Variants in ZFAND1 observed in about 807,000 individuals in gnomAD.
The protein encoded by ZFAND1 is AN1-type zinc finger protein 1.
In ZFAND1, 40 loss-of-function variants were observed where a neutral mutation model predicts 38.5. The ratio of observed to expected loss-of-function variants is 1.04; its 90% CI spans 0.81 to 1.35. The LOEUF is 1.35. ZFAND1 is among the 40% of genes most tolerant of loss of function. ZFAND1 has a pLI of 0.00. For missense variants in ZFAND1, 346 were observed against 316.3 expected (o/e 1.09, Z -0.71); for synonymous variants, 117 against 103.6 (o/e 1.13, Z -0.78).
At chr8:81,708,663 G>T in intron 6 of ZFAND1, 1 of 670,586 alleles carries the variant, frequency 1.5e-6, no homozygotes, top group Non-Finnish European at 1.9e-6. Context: ...TCTTTTTATA[G>T]CCACCAGACT....
Position 81,715,013 on chromosome 8 carries a change from A to AG in ZFAND1, c.239dup (p.Tyr81LeufsTer3). 1 of 1,614,110 alleles carries AG rather than the reference A, an allele frequency of 6.2e-7. No individual in the cohort carries two copies. Among genetic ancestry groups the AG allele is most frequent in the Non-Finnish European group, 8.5e-7 (1 of 1,179,970 alleles). On this transcript the variant is annotated frameshift_variant, in exon 4 of 8. Transcript: ENST00000220669. LOFTEE classifies it high-confidence loss of function. ...TCAGGCAAAAATTCTTCTCACAATA[A>AG]GGACATATAACTGCCACAAGTTCTC...
At chr8:81,716,443 A>G (rs975754752) in intron 3 of ZFAND1, among the ~76,000 whole-genome samples, 4 of 152,120 alleles carry the variant, frequency 2.6e-5, no homozygotes, top group African/African-American at 9.7e-5. Context: ...TATTTGCCAG[A>G]CCTTTCTTAA....
intron 1 of ZFAND1, among the ~76,000 whole-genome samples, chr8:81,718,612 T>A (rs1227549649): frequency 1.3e-5 from 2 of 151,244 alleles, no homozygotes; most frequent in African/African-American, 4.8e-5. Flanking sequence ...CTAACAGTGC[T>A]AGGCAAGTTA....
At chr8:81,721,058 A>T in intron 1 of ZFAND1, 169 bp downstream of exon 1, 1 of 593,808 alleles carries the variant, frequency 1.7e-6, no homozygotes, top group Non-Finnish European at 3.0e-6. Context: ...GCCAAAAAAA[A>T]CCCGCACCAA....
At chr8:81,712,656 T>C (rs1468886062) in intron 6 of ZFAND1, among the ~76,000 whole-genome samples, 1 of 152,044 alleles carries the variant, frequency 6.6e-6, no homozygotes, top group Non-Finnish European at 1.5e-5. Flanking sequence ...TAGGAAAAGG[T>C]ATGTAAATAT....
In ZFAND1 at chr8:81,721,234, C is replaced by T. The variant is rs769515522; in HGVS notation, c.48G>A (p.Arg16=). The change falls in exon 1 of 8, where the codon CGG becomes CGA. Residue 16 remains arginine (R), a synonymous_variant. Transcript: ENST00000220669. ...TGGAAGCTCCCGGATCACCTCGCTG[C>T]CGGCAATGCTCCACCTGGCAGTGCT... ...IGQHCQVEHC[R]QRDFLPFVCD... The T allele has an allele frequency of 1.0e-5, 16 of 1,548,572 alleles. No homozygotes were observed. The highest frequency in any genetic ancestry group is 1.3e-5 in the Non-Finnish European group (15 of 1,147,042).
At chr8:81,707,055 CAT>C (rs1808004913) in intron 6 of ZFAND1, among the ~76,000 whole-genome samples, 1 of 152,142 alleles carries the variant, frequency 6.6e-6, no homozygotes, top group Admixed American at 6.5e-5. Flanking sequence ...TAATGTATGG[CAT>C]ATAAAGCAAA....
rs35031788 is a variant in ZFAND1, at chr8:81,706,370, C to CAAAAAAAAAAAAAAAAAAAAAAAAA, written c.481-3247_481-3246insTTTTTTTTTTTTTTTTTTTTTTTTT. 3.2e-4 allele frequency among the ~76,000 whole-genome samples: 23 copies of CAAAAAAAAAAAAAAAAAAAAAAAAA among 72,670 alleles called. 1 individual carries two copies. The highest frequency in any genetic ancestry group is 1.8e-3 in the East Asian group (4 of 2,216). 47.7% of individuals were successfully genotyped at this position (72,670 alleles called of 152,430 possible). ...CAAGTAAGCCCTAAGGAAGGAGAAA[C>CAAAAAAAAAAAAAAAAAAAAAAAAA]AAAAAAAAAAAAAAAAAAAAAAAAG... On this transcript the variant is annotated intron_variant, in intron 6 of 7. Transcript: ENST00000220669.
Position 81,702,857 on chromosome 8 carries a change from C to G in ZFAND1, c.645G>C (p.Arg215Ser), listed in dbSNP as rs770843358. The change falls in exon 8 of 8, where the codon AGG becomes AGC. Residue 215 changes from arginine to serine, a missense_variant. Transcript: ENST00000220669. ...CTTCTCCTGAAGTAATGTGACACAG[C>G]CTTAATTTCTGTGAAGGGAGAAGTA... ...DNNKFTAKKL[R>S]LCHITSGEAL... The G allele has an allele frequency of 1.3e-6, 2 of 1,584,046 alleles. No homozygotes were observed. The highest frequency in any genetic ancestry group is 1.7e-6 in the Non-Finnish European group (2 of 1,168,914).
chr8:81,718,029 T>C (rs1440366722), intron 2 of ZFAND1, among the ~76,000 whole-genome samples, 153 bp downstream of exon 2: 2 of 152,116 alleles, frequency 1.3e-5, no homozygotes, highest in Non-Finnish European at 2.9e-5. Flanking sequence ...CAGTCATATA[T>C]ATGGAGAAGT....
At chr8:81,721,154 C>A in intron 1 of ZFAND1, 73 bp downstream of exon 1, 3 of 1,529,238 alleles carry the variant, frequency 2.0e-6, no homozygotes, top group Non-Finnish European at 2.6e-6. Context: ...CACCCGCCGC[C>A]ACCATCCGCG....
intron 2 of ZFAND1, 87 bp downstream of exon 2, chr8:81,718,095 A>G (rs1410574924): frequency 9.2e-7 from 1 of 1,089,330 alleles, no homozygotes; most frequent in Non-Finnish European, 1.3e-6. Flanking sequence ...AGTAACAATT[A>G]TTTTAAATCA....
At chr8:81,717,574 T>C (rs1013630601) in intron 2 of ZFAND1, among the ~76,000 whole-genome samples, 1 of 152,174 alleles carries the variant, frequency 6.6e-6, no homozygotes, top group Non-Finnish European at 1.5e-5. Flanking sequence ...CTCTTTTTAT[T>C]TCTAAAAGAT....
At chr8:81,721,164 G>A in intron 1 of ZFAND1, 63 bp downstream of exon 1, 1 of 1,537,578 alleles carries the variant, frequency 6.5e-7, no homozygotes, top group Non-Finnish European at 8.7e-7. Context: ...CACCATCCGC[G>A]GAGCCAAAGC....
At chr8:81,716,051 G>A (rs914956218) in intron 3 of ZFAND1, among the ~76,000 whole-genome samples, 3 of 152,174 alleles carry the variant, frequency 2.0e-5, no homozygotes, top group Admixed American at 2.0e-4. Flanking sequence ...AATAGATCAC[G>A]TAAACTTCAA....
intron 3 of ZFAND1, among the ~76,000 whole-genome samples, chr8:81,716,776 C>G (rs1372562879): frequency 6.6e-6 from 1 of 152,110 alleles, no homozygotes; most frequent in African/African-American, 2.4e-5. Flanking sequence ...GGTAAAACCC[C>G]ATCTCTACTA....
At chr8:81,709,222 A>C (rs1388154275) in intron 6 of ZFAND1, among the ~76,000 whole-genome samples, 2 of 152,166 alleles carry the variant, frequency 1.3e-5, no homozygotes, top group African/African-American at 4.8e-5. Context: ...CACTTGAGGG[A>C]ATTTCTACTA....
At chr8:81,712,277 T>C (rs1172688939) in intron 6 of ZFAND1, among the ~76,000 whole-genome samples, 3 of 152,174 alleles carry the variant, frequency 2.0e-5, no homozygotes, top group African/African-American at 7.2e-5. Context: ...ATTCACAGTA[T>C]ATCTAATACT....
At chr8:81,705,081 G>A (rs1423592680) in intron 6 of ZFAND1, among the ~76,000 whole-genome samples, 1 of 152,142 alleles carries the variant, frequency 6.6e-6, no homozygotes, top group African/African-American at 2.4e-5. Context: ...AGGTAAGTGG[G>A]AAATAACAGC....
Sources: gnomAD v4.1 joint callset for allele counts (sites outside exome capture counted in the v4.1 genomes callset) on GRCh38, gnomAD v4.1.1 for gene constraint, MANE v1.5 for transcripts, NCBI Gene and HGNC (gene_info 2026-07-23, HGNC 2026-07-21) for gene names.